Variants in SLC25A48 observed in about 807,000 individuals in gnomAD.
SLC25A48 encodes the protein solute carrier family 25 member 48, also known as CTC-321K16.1.
SLC25A48 carries 29 observed loss-of-function variants against 32.2 expected under a neutral mutation model. That is an observed-to-expected ratio of 0.90 (90% confidence interval 0.67 to 1.23). SLC25A48 has a LOEUF of 1.23. Ranked by LOEUF, SLC25A48 falls within the 50% of genes most tolerant of loss-of-function variation. The pLI is 0.00. For missense variants in SLC25A48, 399 were observed against 422.7 expected (o/e 0.94, Z 0.49); for synonymous variants, 164 against 172.3 (o/e 0.95, Z 0.38).
chr5:135,879,892 T>TA, intron 6 of SLC25A48, 76 bp from the exon 7 acceptor site: 1 of 1,508,326 alleles, frequency 6.6e-7, no homozygotes, highest in African/African-American at 1.4e-5. Flanking sequence ...CACCACTAGC[T>TA]ATTCTCTGCC....
rs1361334193 is a variant in SLC25A48 at position 135,821,206 on chromosome 5, CACTT to C, written c.-117+8282_-117+8285del. Among the ~76,000 whole-genome samples, 9 of 152,296 alleles carry C rather than the reference CACTT, an allele frequency of 5.9e-5. No individual in the cohort carries two copies. In the East Asian group the frequency reaches 1.7e-3, roughly 29 times the overall value. On this transcript the variant is annotated intron_variant, in intron 4 of 10. Coordinates refer to the SLC25A48 transcript ENST00000646290. The stretch of plus-strand genomic sequence containing the variant: ...GGGAACTTCCCTGGGCAGTAGTTAA[CACTT>C]AGGAGCACCAGGCCTGGGAGAGGAG...
Position 135,871,458 on chromosome 5 carries a change from C to A in SLC25A48, c.422-3C>A. On this transcript the variant is annotated splice_region_variant and splice_polypyrimidine_tract_variant and intron_variant, in intron 4 of 7. Transcript: ENST00000681962. ...TGCCACCTTCTCTCCCCTGTCTTTG[C>A]AGCCAACCTCGGTTTGAAGTCCAGG... 1 of 1,578,078 alleles carries A rather than the reference C, an allele frequency of 6.3e-7. No individual in the cohort carries two copies. The highest frequency in any genetic ancestry group is 8.6e-7 in the Non-Finnish European group (1 of 1,158,292).
At chr5:135,665,773 A>AG (rs1435410759) in intron 3 of SLC25A48, among the ~76,000 whole-genome samples, 1 of 151,340 alleles carries the variant, frequency 6.6e-6, no homozygotes, top group African/African-American at 2.4e-5. Context: ...TTGAAAAAAA[A>AG]AAATCAGATT....
At chr5:135,873,633 C>G (rs7706878) in intron 5 of SLC25A48, among the ~76,000 whole-genome samples, 9,602 of 152,188 alleles carry the variant, frequency 0.063, 737 homozygotes, top group African/African-American at 0.18. Flanking sequence ...GGAAGGTGCT[C>G]CCAAGTACCT....
chr5:135,825,244 A>C (rs1042221380), intron 4 of SLC25A48: 1 of 152,216 alleles, frequency 6.6e-6, no homozygotes, highest in South Asian at 2.1e-4. Context: ...CTATAAAACA[A>C]GCCGTACTAT....
chr5:135,587,400 T>C (rs1179366293), intron 1 of SLC25A48, among the ~76,000 whole-genome samples: 1 of 152,178 alleles, frequency 6.6e-6, no homozygotes, highest in Non-Finnish European at 1.5e-5. Context: ...AATGCACAGA[T>C]GGAAAAGAAA....
At chr5:135,631,986 TC>T (rs1752584900) in intron 2 of SLC25A48, among the ~76,000 whole-genome samples, 1 of 152,206 alleles carries the variant, frequency 6.6e-6, no homozygotes, top group Non-Finnish European at 1.5e-5. Flanking sequence ...CACAAGTGCC[TC>T]CATGTTGTTT....
chr5:135,593,570 G>A (rs1751576109), intron 1 of SLC25A48, among the ~76,000 whole-genome samples: 1 of 152,214 alleles, frequency 6.6e-6, no homozygotes, highest in Non-Finnish European at 1.5e-5. Context: ...CATAGACAAA[G>A]TTCCAAGGGC....
At chr5:135,877,351 G>A (rs1762135409) in intron 6 of SLC25A48, among the ~76,000 whole-genome samples, 1 of 152,060 alleles carries the variant, frequency 6.6e-6, no homozygotes, top group African/African-American at 2.4e-5. Flanking sequence ...AGTGAGATGA[G>A]GCTGAATGGC....
intron 1 of SLC25A48, among the ~76,000 whole-genome samples, chr5:135,627,191 C>A (rs986682371): frequency 3.9e-5 from 6 of 152,190 alleles, no homozygotes; most frequent in Non-Finnish European, 7.3e-5. Flanking sequence ...CTCGAGCTAA[C>A]ATTTCTCAGG....
At chr5:135,681,707 T>C (rs1161983459) in intron 3 of SLC25A48, among the ~76,000 whole-genome samples, 2 of 152,260 alleles carry the variant, frequency 1.3e-5, no homozygotes, top group African/African-American at 4.8e-5. Context: ...CTGAGATTCA[T>C]TTAAGCTACT....
intron 3 of SLC25A48, among the ~76,000 whole-genome samples, chr5:135,779,468 T>C (rs1756665910): frequency 6.6e-6 from 1 of 151,874 alleles, no homozygotes; most frequent in Admixed American, 6.6e-5. Flanking sequence ...ATATTTTTCC[T>C]AATATCCAAG....
chr5:135,786,093 G>T (rs918142650), intron 3 of SLC25A48, among the ~76,000 whole-genome samples: 2 of 151,304 alleles, frequency 1.3e-5, no homozygotes, highest in Non-Finnish European at 3.0e-5. Flanking sequence ...ATCCTGGGGT[G>T]GGGGAGGGTG....
intron 3 of SLC25A48, among the ~76,000 whole-genome samples, chr5:135,666,665 GAGAGAGAGAGAGAGA>G (rs1753532958): frequency 6.5e-5 from 1 of 15,326 alleles, no homozygotes. Flanking sequence ...ATCAGAGAGA[GAGAGAGAGAGAGAGA>G]GAGAGAGAGA....
At chr5:135,655,406 A>G (rs1275062941) in intron 3 of SLC25A48, among the ~76,000 whole-genome samples, 1 of 152,102 alleles carries the variant, frequency 6.6e-6, no homozygotes, top group African/African-American at 2.4e-5. Flanking sequence ...AAAAGGATTC[A>G]TTTCTCCCCC....
chr5:135,781,305 C>T lies in SLC25A48; in HGVS notation c.-520-31218C>T, dbSNP rs139827844. On this transcript the variant is annotated intron_variant, in intron 3 of 10. Coordinates refer to the SLC25A48 transcript ENST00000646290. ...GTGTACTCCCCACTGTTATCTAAAT[C>T]GTAATATGCAGAAGGGGTAGGGATG... 4.3e-5 allele frequency among the ~76,000 whole-genome samples: 5 copies of T among 116,374 alleles called. 1 individual carries two copies. The highest frequency in any genetic ancestry group is 1.3e-4 in the African/African-American group (5 of 38,416). 76.3% of individuals were successfully genotyped at this position (116,374 alleles called of 152,430 possible).
At chr5:135,883,035 G>A in intron 7 of SLC25A48, 1 of 985,386 alleles carries the variant, frequency 1.0e-6, no homozygotes, top group African/African-American at 1.7e-5. Context: ...GTTAGAAGAT[G>A]TTCTTGTCTT....
intron 4 of SLC25A48, among the ~76,000 whole-genome samples, chr5:135,863,922 G>A (rs1215393076): frequency 6.6e-6 from 1 of 152,192 alleles, no homozygotes; most frequent in East Asian, 1.9e-4. Flanking sequence ...GAGAGAAGAA[G>A]AAAGAAAGTA....
At chr5:135,587,756 C>T (rs746447747) in intron 1 of SLC25A48, among the ~76,000 whole-genome samples, 1 of 152,130 alleles carries the variant, frequency 6.6e-6, no homozygotes, top group African/African-American at 2.4e-5. Context: ...TAACGGTGAG[C>T]GATTTAAGGC....
Sources: gnomAD v4.1 joint callset for allele counts (sites outside exome capture counted in the v4.1 genomes callset) on GRCh38, gnomAD v4.1.1 for gene constraint, MANE v1.5 for transcripts, NCBI Gene and HGNC (gene_info 2026-07-23, HGNC 2026-07-21) for gene names.